NETO2: variants seen among roughly 807,000 people sequenced by gnomAD.
NETO2 encodes the protein neuropilin and tolloid like 2.
NETO2 carries 28 observed loss-of-function variants against 62.5 expected under a neutral mutation model. That is an observed-to-expected ratio of 0.45 (90% CI 0.33 to 0.61). NETO2 has a LOEUF of 0.61. NETO2 is among the 20% of genes least tolerant of loss of function. The probability of loss-of-function intolerance (pLI) is 0.02; values close to 1 mark genes in which losing one functional copy is unlikely to be tolerated. For synonymous variants in NETO2, 214 were observed against 219.1 expected (o/e 0.98, Z 0.21); for missense variants, 548 against 643.2 (o/e 0.85, Z 1.60).
chr16:47,132,559 A>T (rs938021331), intron 1 of NETO2, among the ~76,000 whole-genome samples: 1 of 152,220 alleles, frequency 6.6e-6, no homozygotes, highest in African/African-American at 2.4e-5. Flanking sequence ...TGTGCTACAA[A>T]GGCTAGCCAT....
In NETO2 at chr16:47,143,857, C is replaced by A; in HGVS notation, c.-245G>T. 1 of 333,206 alleles carries A rather than the reference C, an allele frequency of 3.0e-6. No homozygotes were observed. The highest frequency in any genetic ancestry group is 5.0e-6 in the Non-Finnish European group (1 of 201,960). The allele number at this position is 333,206 out of a possible 1,614,324, so 20.6% of individuals were successfully genotyped here. A position where few individuals can be genotyped will look rare whatever the true frequency, so the allele number is the denominator to read the frequency against. ...CCTGCTCCGCGGCGCCCCGTCCCATCGACCGCCCGAGGGCCGAGGAGTGCG... is the reference window on the plus strand; with the variant it reads ...CCTGCTCCGCGGCGCCCCGTCCCATAGACCGCCCGAGGGCCGAGGAGTGCG... On this transcript the variant is annotated 5_prime_UTR_variant, in exon 1 of 9. Transcript: ENST00000562435.
intron 6 of NETO2, among the ~76,000 whole-genome samples, chr16:47,112,244 T>C (rs1276750745): frequency 6.6e-6 from 1 of 152,100 alleles, no homozygotes; most frequent in Non-Finnish European, 1.5e-5. Flanking sequence ...AATGGATATT[T>C]TTCTTAAACA....
chr16:47,078,050 T>C lies in NETO2; in HGVS notation c.*5171A>G, dbSNP rs1349083297. ...TCTTCAGTGACCGGATGCAGCAGACTGCAACCTGCAGGCAACCTGGGACAA... is the reference window on the plus strand; with the variant it reads ...TCTTCAGTGACCGGATGCAGCAGACCGCAACCTGCAGGCAACCTGGGACAA... On this transcript the variant is annotated 3_prime_UTR_variant, in exon 9 of 9. Coordinates refer to ENST00000562435, the MANE Select transcript of NETO2 (RefSeq NM_018092.5). 6.6e-6 allele frequency: 1 copy of C among 152,266 alleles called. No homozygotes were observed. Among genetic ancestry groups the C allele is most frequent in the African/African-American group, 2.4e-5 (1 of 41,478 alleles). 9.4% of individuals were successfully genotyped at this position (152,266 alleles called of 1,614,324 possible). A position where few individuals can be genotyped will look rare whatever the true frequency, so the allele number is the denominator to read the frequency against.
intron 6 of NETO2, among the ~76,000 whole-genome samples, chr16:47,120,758 T>A (rs1964020975): frequency 6.6e-6 from 1 of 152,232 alleles, no homozygotes; most frequent in South Asian, 2.1e-4. Flanking sequence ...CTTAATAGCA[T>A]CCTTTTGTAG....
intron 1 of NETO2, among the ~76,000 whole-genome samples, chr16:47,137,453 G>A (rs1964380224): frequency 6.6e-6 from 1 of 152,192 alleles, no homozygotes; most frequent in Non-Finnish European, 1.5e-5. Context: ...CTTTGGTAGT[G>A]GCAGGAGACA....
Position 47,122,867 on chromosome 16 carries a change from C to A in NETO2, c.526+1G>T. On this transcript the variant is annotated splice_donor_variant, in intron 5 of 8. Coordinates refer to ENST00000562435, the MANE Select transcript of NETO2 (RefSeq NM_018092.5). LOFTEE classifies it high-confidence loss of function. ...GAGGAACAAGTGGTAATATACTAAA[C>A]CTGGAATGGGATTTAAAATACCTCC... 6.2e-7 allele frequency: 1 copy of A among 1,613,836 alleles called. No individual in the cohort carries two copies. Among genetic ancestry groups the A allele is most frequent in the Non-Finnish European group, 8.5e-7 (1 of 1,179,894 alleles).
rs1334094714 is a variant in NETO2 at position 47,109,672 on chromosome 16, T to C, written c.694A>G (p.Asn232Asp). The C allele has an allele frequency of 1.2e-6, 2 of 1,613,758 alleles. No homozygotes were observed. The highest frequency in any genetic ancestry group is 1.7e-6 in the Non-Finnish European group (2 of 1,179,740). The stretch of plus-strand genomic sequence containing the variant: ...GCAACGAAGTTTCTCTTGCATTCAT[T>C]TGAGTGCTCCATTTGATAATCTAGG... ...RFLDYQMEHS[N>D]ECKRNFVAVY... is the part of the protein sequence containing the mutation. Residue 232 changes from asparagine (N) to aspartate (D), a missense_variant, in exon 7 of 9, where the codon AAT (asparagine) becomes GAT (aspartate). Asn to Asp is a conservative substitution (Grantham distance 23). Transcript: ENST00000562435.
chr16:47,083,883 G>T, intron 8 of NETO2, 82 bp from the exon 9 acceptor site: 1 of 1,107,486 alleles, frequency 9.0e-7, no homozygotes, highest in Non-Finnish European at 1.3e-6. Context: ...GTATTTTTAG[G>T]TAAAACAGAA....
chr16:47,136,348 A>G (rs1320063530), intron 1 of NETO2, among the ~76,000 whole-genome samples: 1 of 152,208 alleles, frequency 6.6e-6, no homozygotes, highest in African/African-American at 2.4e-5. Context: ...AGCACCTTAC[A>G]GATAACAAAA....
intron 7 of NETO2, among the ~76,000 whole-genome samples, chr16:47,087,088 G>A (rs569458097): frequency 6.6e-6 from 1 of 151,348 alleles, no homozygotes; most frequent in Non-Finnish European, 1.5e-5. Flanking sequence ...GAGTGCAGTG[G>A]CATGATCTTG....
intron 7 of NETO2, among the ~76,000 whole-genome samples, chr16:47,102,745 C>T (rs1374737660): frequency 6.6e-6 from 1 of 152,140 alleles, no homozygotes; most frequent in Non-Finnish European, 1.5e-5. Flanking sequence ...CAATGAGCTA[C>T]CATCTCACAC....
At chr16:47,114,280 AT>A (rs1963861319) in intron 6 of NETO2, among the ~76,000 whole-genome samples, 1 of 149,732 alleles carries the variant, frequency 6.7e-6, no homozygotes, top group Non-Finnish European at 1.5e-5. Context: ...CTGTTTCATA[AT>A]TGGGTTTTGT....
chr16:47,113,706 C>G (rs562245908), intron 6 of NETO2, among the ~76,000 whole-genome samples: 2 of 151,414 alleles, frequency 1.3e-5, no homozygotes, highest in Admixed American at 6.6e-5. Context: ...ATTCTCCTGC[C>G]TCAGCCTCCC....
At chr16:47,137,571 G>A (rs1964383305) in intron 1 of NETO2, among the ~76,000 whole-genome samples, 1 of 152,132 alleles carries the variant, frequency 6.6e-6, no homozygotes, top group African/African-American at 2.4e-5. Context: ...ATTCTTATAA[G>A]GGCTCCAACA....
intron 7 of NETO2, among the ~76,000 whole-genome samples, chr16:47,094,599 G>A (rs1309861644): frequency 6.6e-6 from 1 of 151,846 alleles, no homozygotes; most frequent in African/African-American, 2.4e-5. Context: ...CTAATTTTTT[G>A]TATCTTTAGT....
chr16:47,083,823 CGTTAA>C, intron 8 of NETO2, 22 bp from the exon 9 acceptor site: 1 of 1,527,294 alleles, frequency 6.5e-7, no homozygotes, highest in Non-Finnish European at 8.9e-7. Flanking sequence ...AAATGAGAAA[CGTTAA>C]GTTTTCAAAA....
chr16:47,089,217 C>A (rs548539325), intron 7 of NETO2, among the ~76,000 whole-genome samples: 6 of 152,236 alleles, frequency 3.9e-5, no homozygotes, highest in African/African-American at 9.6e-5. Flanking sequence ...GTATGAGAAC[C>A]CCTTGGTGGC....
intron 4 of NETO2, among the ~76,000 whole-genome samples, chr16:47,124,977 T>C (rs967135638): frequency 3.3e-5 from 5 of 152,150 alleles, no homozygotes; most frequent in Non-Finnish European, 5.9e-5. Context: ...ATCTATAACA[T>C]GAATAGAGGA....
chr16:47,095,538 G>A (rs1025213400), intron 7 of NETO2, among the ~76,000 whole-genome samples: 1 of 152,112 alleles, frequency 6.6e-6, no homozygotes, highest in African/African-American at 2.4e-5. Context: ...GACAGCTAGG[G>A]GGTGGCAAGA....
Sources: gnomAD v4.1 joint callset for allele counts (sites outside exome capture counted in the v4.1 genomes callset) on GRCh38, gnomAD v4.1.1 for gene constraint, MANE v1.5 for transcripts, NCBI Gene and HGNC (gene_info 2026-07-23, HGNC 2026-07-21) for gene names.